The following ACSF2 variants were observed in gnomAD, a reference collection of about 807,000 sequenced individuals.
The protein encoded by ACSF2 is medium-chain acyl-CoA ligase ACSF2, mitochondrial.
ACSF2 carries 52 observed loss-of-function variants against 79.3 expected under a neutral mutation model. That is an observed-to-expected ratio of 0.66 (90% CI 0.53 to 0.83). ACSF2 has a LOEUF of 0.83. ACSF2 is among the 40% of genes least tolerant of loss of function. The pLI is 0.00. For missense variants in ACSF2, 661 were observed against 803.3 expected (o/e 0.82, Z 2.14); for synonymous variants, 283 against 312.6 (o/e 0.91, Z 1.00).
At chr17:50,443,879 T>C (rs1387056941) in intron 1 of ACSF2, among the ~76,000 whole-genome samples, 3 of 152,212 alleles carry the variant, frequency 2.0e-5, no homozygotes, top group Non-Finnish European at 4.4e-5. Context: ...AGCGTGATCA[T>C]CTAGTGCTCT....
chr17:50,460,692 T>A lies in ACSF2; in HGVS notation c.144T>A (p.Asp48Glu). 6.2e-7 allele frequency: 1 copy of A among 1,612,132 alleles called. No homozygotes were observed. Among genetic ancestry groups the A allele is most frequent in the Non-Finnish European group, 8.5e-7 (1 of 1,179,100 alleles). Residue 48 changes from aspartate (D) to glutamate (E), a missense_variant, in exon 2 of 16, where the codon GAT (aspartate) becomes GAA (glutamate). Physicochemically the swap from Asp to Glu is conservative, Grantham distance 45 (BLOSUM62 2). Coordinates refer to ENST00000300441, the MANE Select transcript of ACSF2 (RefSeq NM_025149.6). ...GVRFLSSREVDRMVSTPIGGL... is the reference protein window; with the variant it reads ...GVRFLSSREVERMVSTPIGGL... ...CTCCCTACAGTTCCAGAGAGGTGGA[T>A]CGCATGGTCTCCACGCCCATCGGAG...
chr17:50,464,480 GT>G, intron 10 of ACSF2, 186 bp downstream of exon 10: 1 of 706,418 alleles, frequency 1.4e-6, no homozygotes, highest in African/African-American at 1.7e-5. Flanking sequence ...AAGGAGATAG[GT>G]GGCAGGGGAG....
intron 1 of ACSF2, among the ~76,000 whole-genome samples, chr17:50,448,915 CACAAG>C (rs2031470624): frequency 6.6e-6 from 1 of 151,516 alleles, no homozygotes; most frequent in Non-Finnish European, 1.5e-5. Context: ...CAGGGTTTGA[CACAAG>C]TGACTCCATT....
chr17:50,470,687 G>C (rs943549881), intron 10 of ACSF2, among the ~76,000 whole-genome samples: 3 of 152,132 alleles, frequency 2.0e-5, no homozygotes, highest in East Asian at 1.9e-4. Context: ...CCAGGGGATG[G>C]GGGGAGAAGT....
chr17:50,428,856 C>G (rs1329326092), intron 1 of ACSF2, among the ~76,000 whole-genome samples: 1 of 152,262 alleles, frequency 6.6e-6, no homozygotes, highest in Non-Finnish European at 1.5e-5. Flanking sequence ...AGAACAGATT[C>G]TGCGTCATGC....
chr17:50,452,476 T>C (rs1015056748), intron 1 of ACSF2, among the ~76,000 whole-genome samples: 6 of 124,688 alleles, frequency 4.8e-5, no homozygotes, highest in Non-Finnish European at 9.8e-5. Context: ...ATAGTGAGTC[T>C]CAAAACAAAA....
intron 10 of ACSF2, chr17:50,469,110 C>A (rs935008977): frequency 1.3e-5 from 14 of 1,107,574 alleles, no homozygotes; most frequent in Non-Finnish European, 1.5e-5. Flanking sequence ...CGGCTGTAGC[C>A]CCCCGCTCTC....
At chr17:50,427,559 C>A (rs1915111206) in intron 1 of ACSF2, among the ~76,000 whole-genome samples, 1 of 152,058 alleles carries the variant, frequency 6.6e-6, no homozygotes, top group Non-Finnish European at 1.5e-5. Flanking sequence ...CCTCCCCTGA[C>A]CCCCTAGTCT....
chr17:50,447,483 A>G lies in ACSF2; in HGVS notation c.129-13194A>G, dbSNP rs562215149. Among the ~76,000 whole-genome samples, 66 of 152,170 alleles carry G rather than the reference A, an allele frequency of 4.3e-4. 3 individuals are homozygous for G. In the South Asian group the frequency reaches 0.013, roughly 31 times the overall value. ...CTTGAGCCCCAGAGGCAGAGGTTGT[A>G]GTGAGCCGAGATCGCGCCACTGCAC... On this transcript the variant is annotated intron_variant, in intron 1 of 15. Transcript: ENST00000300441.
intron 1 of ACSF2, among the ~76,000 whole-genome samples, chr17:50,436,152 C>T (rs1043734055): frequency 5.3e-5 from 8 of 151,502 alleles, no homozygotes; most frequent in East Asian, 3.9e-4. Flanking sequence ...TTTTTCGAGA[C>T]GGAGTCTCGC....
At chr17:50,469,816 G>T (rs2033019894) in intron 10 of ACSF2, 1 of 152,402 alleles carries the variant, frequency 6.6e-6, no homozygotes, top group Non-Finnish European at 1.5e-5. Context: ...TGTGAGGAGG[G>T]GTGCGGGAGG....
chr17:50,473,728 C>A lies in ACSF2; in HGVS notation c.1539C>A (p.Ile513=), dbSNP rs1323184385. The change falls in exon 13 of 16, where the codon ATC becomes ATA. Residue 513 remains isoleucine, a synonymous_variant. Coordinates refer to ENST00000300441, the MANE Select transcript of ACSF2 (RefSeq NM_025149.6). The part of the protein sequence containing the change: ...CKIVGRSKDM[I]IRGGENIYPA... ...TCGTGGGCCGCTCTAAGGATATGAT[C>A]ATCCGGGGTGGTGAGAACATCTACC... The A allele has an allele frequency of 2.5e-6, 4 of 1,614,214 alleles. No homozygotes were observed. The highest frequency in any genetic ancestry group is 1.1e-5 in the South Asian group (1 of 91,082).
In ACSF2 at chr17:50,471,925, C is replaced by T. The variant is rs1430497213; in HGVS notation, c.1324-503C>T. Among the ~76,000 whole-genome samples the T allele has an allele frequency of 6.6e-6, 1 of 152,220 alleles. No individual in the cohort carries two copies. The highest frequency in any genetic ancestry group is 2.1e-4 in the South Asian group (1 of 4,836). ...AAACAGGGGCAGGCATCACTCACCC[C>T]ATTTCACGGACACAGACACTGAGGC... On this transcript the variant is annotated intron_variant, in intron 11 of 15. Coordinates refer to ENST00000300441, the MANE Select transcript of ACSF2 (RefSeq NM_025149.6). This position sits in a 1 kb window ranked among gnomAD's most constrained non-coding sequence, Gnocchi z 4.1.
chr17:50,445,382 C>T (rs1319162241), intron 1 of ACSF2, among the ~76,000 whole-genome samples: 1 of 152,182 alleles, frequency 6.6e-6, no homozygotes, highest in Non-Finnish European at 1.5e-5. Flanking sequence ...AGAGGAGATA[C>T]TCAGTGTTCC....
chr17:50,428,566 C>T (rs1390332325), intron 1 of ACSF2, among the ~76,000 whole-genome samples: 1 of 151,952 alleles, frequency 6.6e-6, no homozygotes, highest in Non-Finnish European at 1.5e-5. Context: ...GGGCGGATCA[C>T]TTGAGGTCAG....
At chr17:50,465,395 G>A (rs141537404) in intron 10 of ACSF2, 40 of 1,613,924 alleles carry the variant, frequency 2.5e-5, no homozygotes, top group Non-Finnish European at 3.4e-5. Flanking sequence ...CTTGGCAGGT[G>A]AGGCACAGGT....
At chr17:50,466,748 G>A (rs1315882488) in intron 10 of ACSF2, among the ~76,000 whole-genome samples, 1 of 152,196 alleles carries the variant, frequency 6.6e-6, no homozygotes, top group African/African-American at 2.4e-5. Flanking sequence ...GACGGCTCCA[G>A]AGGAAATGTT....
At chr17:50,472,668 T>C in intron 12 of ACSF2, 89 bp downstream of exon 12, 1 of 1,456,730 alleles carries the variant, frequency 6.9e-7, no homozygotes, top group Middle Eastern at 2.5e-4. Context: ...CCTGGCACCG[T>C]GAGGATGTGG....
At chr17:50,468,528 G>A (rs773703642) in intron 10 of ACSF2, 5 of 1,614,148 alleles carry the variant, frequency 3.1e-6, no homozygotes, top group African/African-American at 1.3e-5. Context: ...TTGAGGCCGC[G>A]GAAGGCACCG....
Sources: gnomAD v4.1 joint callset for allele counts (sites outside exome capture counted in the v4.1 genomes callset) on GRCh38, gnomAD v4.1.1 for gene constraint, Gnocchi (gnomAD v3.1) non-coding constraint, MANE v1.5 for transcripts, NCBI Gene and HGNC (gene_info 2026-07-23, HGNC 2026-07-21) for gene names.